ITPRID1: variants seen among roughly 807,000 people sequenced by gnomAD.
The protein encoded by ITPRID1 is ITPR interacting domain containing 1.
A neutral mutation model predicts 95.4 loss-of-function variants in ITPRID1; 96 were observed. The observed-to-expected ratio is 1.01, with a 90% CI of 0.85 to 1.19. The LOEUF (loss-of-function observed/expected upper bound fraction) is 1.19, where lower values mean the gene tolerates loss of function less well. Among genes scored for constraint, ITPRID1 ranks in the 50% most tolerant of loss-of-function variants. ITPRID1 has a pLI of 0.00. For missense variants in ITPRID1, 1,339 were observed against 1,252.9 expected (o/e 1.07, Z -1.04); for synonymous variants, 510 against 453.6 (o/e 1.12, Z -1.58).
chr7:31,610,348 C>T (rs539220985), intron 10 of ITPRID1, among the ~76,000 whole-genome samples: 2 of 151,334 alleles, frequency 1.3e-5, no homozygotes, highest in Admixed American at 6.6e-5. Flanking sequence ...CTATTTAATT[C>T]AAAAAAATGC....
intron 1 of ITPRID1, among the ~76,000 whole-genome samples, chr7:31,539,590 G>A (rs894126160): frequency 1.8e-4 from 27 of 152,330 alleles, no homozygotes; most frequent in Middle Eastern, 3.4e-3. Context: ...CTTCCAAAGT[G>A]CCTGTACTGT....
At chr7:31,613,821 C>G (rs1016458992) in intron 10 of ITPRID1, among the ~76,000 whole-genome samples, 1 of 152,148 alleles carries the variant, frequency 6.6e-6, no homozygotes, top group Non-Finnish European at 1.5e-5. Flanking sequence ...TTTTTGCCCT[C>G]TGCACAGCAT....
At chr7:31,629,232 T>C (rs1231826297) in intron 10 of ITPRID1, among the ~76,000 whole-genome samples, 1 of 152,202 alleles carries the variant, frequency 6.6e-6, no homozygotes, top group Non-Finnish European at 1.5e-5. Context: ...GTCTCAGGAA[T>C]ATCTACTAAG....
Position 31,614,658 on chromosome 7 carries a change from G to A in ITPRID1, c.1229-27518G>A, listed in dbSNP as rs549995398. On this transcript the variant is annotated intron_variant, in intron 10 of 14. Transcript: ENST00000615280. ...AATTGATTAACTGAGATAATTTCAC[G>A]TTTTTAAAGGTTATAAAAAACAAAA... is the stretch of plus-strand genomic sequence containing the variant. 4.9e-4 allele frequency among the ~76,000 whole-genome samples: 75 copies of A among 152,282 alleles called. 1 individual carries two copies. In the South Asian group the frequency reaches 0.012, roughly 25 times the overall value.
rs1355487272 is a variant in ITPRID1 at position 31,642,552 on chromosome 7, G to T, written c.1312-130G>T. On this transcript the variant is annotated intron_variant, in intron 11 of 14. Transcript: ENST00000615280. ...GAGGACCTTGGTAAAGAGGTAAACAGATGCAAAACCTGATGTTGCAACCCT... is the reference window on the plus strand; with the variant it reads ...GAGGACCTTGGTAAAGAGGTAAACATATGCAAAACCTGATGTTGCAACCCT... The T allele has an allele frequency of 1.8e-5, 15 of 814,568 alleles. No homozygotes were observed. In the South Asian group the frequency reaches 2.6e-4, roughly 14 times the overall value. The allele number at this position is 814,568 out of a possible 1,614,324, so 50.5% of individuals were successfully genotyped here.
intron 12 of ITPRID1, among the ~76,000 whole-genome samples, chr7:31,649,064 T>C (rs892764704): frequency 2.0e-5 from 3 of 152,238 alleles, no homozygotes; most frequent in African/African-American, 7.2e-5. Flanking sequence ...TTCACTCACA[T>C]TGATGCAAGA....
intron 10 of ITPRID1, among the ~76,000 whole-genome samples, chr7:31,592,015 T>C (rs1785887106): frequency 6.6e-6 from 1 of 152,096 alleles, no homozygotes; most frequent in African/African-American, 2.4e-5. Context: ...ATTTCAAATA[T>C]CTCATTAGCA....
rs1491310654 is a variant in ITPRID1 at position 31,639,531 on chromosome 7, T to TG, written c.1229-2644dup. Among the ~76,000 whole-genome samples the TG allele has an allele frequency of 1.1e-3, 26 of 23,916 alleles. No homozygotes were observed. In the South Asian group the frequency reaches 0.024, roughly 23 times the overall value. The allele number at this position is 23,916 out of a possible 152,430, so 15.7% of individuals were successfully genotyped here. A position where few individuals can be genotyped will look rare whatever the true frequency, so the allele number is the denominator to read the frequency against. On this transcript the variant is annotated intron_variant, in intron 10 of 14. Coordinates refer to ENST00000615280, the MANE Select transcript of ITPRID1 (RefSeq NM_001257967.3). ...GGATATAGTTTTTCTTTTGTTTGTT[T>TG]GTTTTTGTTTTTTTTTTTTTTTTGA...
intron 1 of ITPRID1, among the ~76,000 whole-genome samples, chr7:31,529,227 A>AT (rs1783516883): frequency 6.6e-6 from 1 of 152,164 alleles, no homozygotes; most frequent in South Asian, 2.1e-4. Context: ...GAATCTCTCC[A>AT]TCCTGAATAT....
intron 10 of ITPRID1, among the ~76,000 whole-genome samples, chr7:31,629,033 A>T (rs1227056914): frequency 6.6e-6 from 1 of 152,214 alleles, no homozygotes; most frequent in East Asian, 1.9e-4. Flanking sequence ...AATTGGCGTT[A>T]CAAAATTTGA....
At chr7:31,583,801 A>C (rs1785492453) in intron 10 of ITPRID1, among the ~76,000 whole-genome samples, 1 of 152,112 alleles carries the variant, frequency 6.6e-6, no homozygotes, top group South Asian at 2.1e-4. Flanking sequence ...ACTGAGCCTG[A>C]CTGTGGGGAG....
At chr7:31,519,706 A>G (rs1229993901) in intron 1 of ITPRID1, among the ~76,000 whole-genome samples, 2 of 143,240 alleles carry the variant, frequency 1.4e-5, no homozygotes, top group African/African-American at 5.1e-5. Flanking sequence ...TAAATATCTT[A>G]TTTTAGAATC....
In ITPRID1 at chr7:31,521,045, GA is replaced by G. The variant is rs901200960; in HGVS notation, c.-98+6926del. ...TTGAAAAATAAGGTTTGGTTTCATTGATTTTTTTTCATTGTTTTCCATTTAA... is the reference window on the plus strand; with the variant it reads ...TTGAAAAATAAGGTTTGGTTTCATTGTTTTTTTTCATTGTTTTCCATTTAA... On this transcript the variant is annotated intron_variant, in intron 1 of 14. Coordinates refer to ENST00000615280, the MANE Select transcript of ITPRID1 (RefSeq NM_001257967.3). Among the ~76,000 whole-genome samples the G allele has an allele frequency of 2.2e-3, 315 of 142,006 alleles. 1 individual carries two copies. The highest frequency in any genetic ancestry group is 7.9e-3 in the African/African-American group (297 of 37,590). 93.2% of individuals were successfully genotyped at this position (142,006 alleles called of 152,430 possible). A position where few individuals can be genotyped will look rare whatever the true frequency, so the allele number is the denominator to read the frequency against.
At chr7:31,603,641 C>A (rs895149237) in intron 10 of ITPRID1, among the ~76,000 whole-genome samples, 18 of 152,110 alleles carry the variant, frequency 1.2e-4, no homozygotes, top group African/African-American at 3.4e-4. Context: ...ATATTGATTT[C>A]TCTTGTTTAA....
chr7:31,617,766 T>A (rs1424153150), intron 10 of ITPRID1, among the ~76,000 whole-genome samples: 21 of 152,282 alleles, frequency 1.4e-4, no homozygotes, highest in Admixed American at 1.3e-3. Flanking sequence ...ATGAGTTTGG[T>A]TGAAATTGAA....
At chr7:31,610,393 C>T (rs923123457) in intron 10 of ITPRID1, among the ~76,000 whole-genome samples, 2 of 151,630 alleles carry the variant, frequency 1.3e-5, no homozygotes, top group Non-Finnish European at 3.0e-5. Context: ...AAAGATATGA[C>T]ATGTAACACA....
At chr7:31,572,472 G>A (rs1019993640) in intron 7 of ITPRID1, among the ~76,000 whole-genome samples, 14 of 151,990 alleles carry the variant, frequency 9.2e-5, no homozygotes, top group African/African-American at 3.1e-4. Flanking sequence ...ACACATATTG[G>A]CTTAGAAAGC....
chr7:31,544,561 C>A (rs1156761502), intron 1 of ITPRID1, among the ~76,000 whole-genome samples: 2 of 151,898 alleles, frequency 1.3e-5, no homozygotes, highest in Non-Finnish European at 2.9e-5. Flanking sequence ...TTTTTTATAC[C>A]CCCCTCAAAT....
chr7:31,604,000 A>G (rs889071295), intron 10 of ITPRID1, among the ~76,000 whole-genome samples: 3 of 152,136 alleles, frequency 2.0e-5, no homozygotes, highest in African/African-American at 7.2e-5. Flanking sequence ...ATAGGCCTTA[A>G]TACATTTTGC....
Sources: allele counts gnomAD v4.1 joint callset (sites outside exome capture counted in the v4.1 genomes callset), GRCh38; gene constraint gnomAD v4.1.1; transcripts MANE v1.5; gene names NCBI Gene and HGNC (gene_info 2026-07-23, HGNC 2026-07-21).